The following ADGRB3 variants were observed in gnomAD, a reference collection of about 807,000 sequenced individuals.
ADGRB3 encodes the protein brain-specific angiogenesis inhibitor 3.
Under a neutral mutation model 193.4 loss-of-function variants are expected in ADGRB3, and 37 were observed. The ratio of observed to expected loss-of-function variants is 0.19; its 90% CI spans 0.15 to 0.25. The LOEUF is 0.25. ADGRB3 is among the 10% of genes least tolerant of loss of function. The pLI is 1.00. For synonymous variants in ADGRB3, 690 were observed against 644.2 expected (o/e 1.07, Z -1.08); for missense variants, 1,637 against 1,852.9 (o/e 0.88, Z 2.14).
chr6:68,729,048 A>T (rs1025922131), intron 3 of ADGRB3, among the ~76,000 whole-genome samples: 1 of 151,646 alleles, frequency 6.6e-6, no homozygotes, highest in Non-Finnish European at 1.5e-5. Context: ...AGGACATAAG[A>T]TAGAATAATA....
At chr6:69,172,989 C>T (rs547728691) in intron 17 of ADGRB3, among the ~76,000 whole-genome samples, 3 of 152,052 alleles carry the variant, frequency 2.0e-5, no homozygotes, top group Non-Finnish European at 4.4e-5. Flanking sequence ...CAGTCAGGGC[C>T]CTTTAGGCCA....
chr6:69,249,763 TA>T (rs56670699), intron 20 of ADGRB3, among the ~76,000 whole-genome samples: 24 of 151,552 alleles, frequency 1.6e-4, no homozygotes, highest in Admixed American at 1.2e-3. Context: ...ATGCCTATAA[TA>T]AAAAAAAATA....
chr6:69,186,265 A>T (rs981940914), intron 17 of ADGRB3, among the ~76,000 whole-genome samples: 76 of 151,964 alleles, frequency 5.0e-4, no homozygotes, highest in African/African-American at 1.8e-3. Flanking sequence ...GTCCTTGGCC[A>T]CAAATAAGCT....
rs183040194 is a variant in ADGRB3, at chr6:69,371,741, G to A, written c.4240-665G>A. 3.6e-4 allele frequency among the ~76,000 whole-genome samples: 54 copies of A among 152,076 alleles called. 2 individuals carry two copies. In the East Asian group the frequency reaches 9.5e-3, roughly 27 times the overall value. ...AGATTTCAGAAACTGTTTAACAAAGGTGGAGCCACAGAGAAACACTGTGAG... is the reference window on the plus strand; with the variant it reads ...AGATTTCAGAAACTGTTTAACAAAGATGGAGCCACAGAGAAACACTGTGAG... On this transcript the variant is annotated intron_variant, in intron 29 of 31. Transcript: ENST00000370598.
At chr6:68,701,755 A>G (rs755869927) in intron 3 of ADGRB3, among the ~76,000 whole-genome samples, 1 of 152,074 alleles carries the variant, frequency 6.6e-6, no homozygotes, top group Non-Finnish European at 1.5e-5. Flanking sequence ...AAAACATTTA[A>G]ATTGGCTCTT....
rs894110065 is a variant in ADGRB3, at chr6:68,639,271, C to T, written c.596C>T (p.Pro199Leu). ...CGIMYTKCTCPQHLGEWGIDD... is the reference protein window; with the variant it reads ...CGIMYTKCTCLQHLGEWGIDD... ...ATCATGTATACAAAATGCACCTGCC[C>T]TCAGCATTTGGGAGAGTGGGGGATC... The change falls in exon 3 of 32, where the codon CCT (proline) becomes CTT (leucine). Residue 199 changes from proline to leucine, a missense_variant. Physicochemically the swap from Pro to Leu is moderately conservative, Grantham distance 98. Coordinates refer to ENST00000370598, the MANE Select transcript of ADGRB3 (RefSeq NM_001704.3). 1 of 1,614,050 alleles carries T rather than the reference C, an allele frequency of 6.2e-7. No homozygotes were observed. Among genetic ancestry groups the T allele is most frequent in the Non-Finnish European group, 8.5e-7 (1 of 1,180,020 alleles).
At chr6:68,894,711 A>C (rs1221192147) in intron 3 of ADGRB3, among the ~76,000 whole-genome samples, 2 of 151,998 alleles carry the variant, frequency 1.3e-5, no homozygotes, top group African/African-American at 4.8e-5. Context: ...TCAAAACACT[A>C]ACTCTTTCTG....
At chr6:68,931,048 A>T (rs1199540199) in intron 4 of ADGRB3, among the ~76,000 whole-genome samples, 1 of 152,060 alleles carries the variant, frequency 6.6e-6, no homozygotes, top group East Asian at 1.9e-4. Context: ...TTATTTTAAC[A>T]ATATTGAATA....
chr6:68,853,753 A>T (rs1417030719), intron 3 of ADGRB3, among the ~76,000 whole-genome samples: 1 of 152,172 alleles, frequency 6.6e-6, no homozygotes, highest in Non-Finnish European at 1.5e-5. Flanking sequence ...GCAAAAAAAA[A>T]GTAAAACCTA....
chr6:68,988,147 A>G (rs972584002), intron 10 of ADGRB3, among the ~76,000 whole-genome samples: 1 of 152,152 alleles, frequency 6.6e-6, no homozygotes, highest in African/African-American at 2.4e-5. Flanking sequence ...TAGAGATTAT[A>G]GTGGAAACAA....
At chr6:68,791,920 G>C (rs1282061346) in intron 3 of ADGRB3, among the ~76,000 whole-genome samples, 1 of 152,098 alleles carries the variant, frequency 6.6e-6, no homozygotes, top group Non-Finnish European at 1.5e-5. Flanking sequence ...AAGTTCTAGG[G>C]ATGAAATCAG....
chr6:68,988,379 A>G (rs961315536), intron 10 of ADGRB3, among the ~76,000 whole-genome samples: 3 of 152,148 alleles, frequency 2.0e-5, no homozygotes, highest in Admixed American at 2.0e-4. Context: ...TTAAAGTGAC[A>G]GAATAGCATG....
At chr6:69,369,376 A>G (rs2127338636) in intron 29 of ADGRB3, among the ~76,000 whole-genome samples, 1 of 152,226 alleles carries the variant, frequency 6.6e-6, no homozygotes, top group East Asian at 1.9e-4. Flanking sequence ...TCTTTACACC[A>G]TCAATTTCCC....
At chr6:68,669,026 C>A (rs1180914677) in intron 3 of ADGRB3, among the ~76,000 whole-genome samples, 1 of 151,744 alleles carries the variant, frequency 6.6e-6, no homozygotes, top group Non-Finnish European at 1.5e-5. Context: ...GGAGCTAGCA[C>A]TGAGAAAATA....
rs781528590 is a variant in ADGRB3 at position 69,004,587 on chromosome 6, T to C, written c.1930-9451T>C. 1.1e-4 allele frequency among the ~76,000 whole-genome samples: 14 copies of C among 121,906 alleles called. No individual in the cohort carries two copies. The South Asian group carries it at 1.2e-3, about 11-fold the overall frequency. 80.0% of individuals were successfully genotyped at this position (121,906 alleles called of 152,430 possible). A position where few individuals can be genotyped will look rare whatever the true frequency, so the allele number is the denominator to read the frequency against. ...CCTCCCCCGACCCCATGACAGGCCC[T>C]GGTGTGTGATGTTCCCCACCCTGTG... On this transcript the variant is annotated intron_variant, in intron 11 of 31. Coordinates refer to ENST00000370598, the MANE Select transcript of ADGRB3 (RefSeq NM_001704.3).
chr6:68,764,877 G>A (rs1343679691), intron 3 of ADGRB3, among the ~76,000 whole-genome samples: 1 of 152,138 alleles, frequency 6.6e-6, no homozygotes, highest in Admixed American at 6.5e-5. Flanking sequence ...TGATAGAAAT[G>A]TGTAACTTCA....
chr6:69,232,774 A>C, intron 17 of ADGRB3: 1 of 691,476 alleles, frequency 1.4e-6, no homozygotes, highest in Non-Finnish European at 2.4e-6. Flanking sequence ...AACCAGCAGC[A>C]GAGAAGATCC....
chr6:68,848,186 CT>C (rs1223502871), intron 3 of ADGRB3, among the ~76,000 whole-genome samples: 6 of 151,954 alleles, frequency 3.9e-5, no homozygotes, highest in African/African-American at 1.4e-4. Context: ...TAAAAAGTCA[CT>C]TTTAAAAAAA....
intron 3 of ADGRB3, among the ~76,000 whole-genome samples, chr6:68,808,805 G>T (rs1016893956): frequency 6.6e-6 from 1 of 152,014 alleles, no homozygotes; most frequent in Non-Finnish European, 1.5e-5. Context: ...GTGAATGAAG[G>T]CCTTTGCATA....
Sources: allele counts gnomAD v4.1 joint callset (sites outside exome capture counted in the v4.1 genomes callset), GRCh38; gene constraint gnomAD v4.1.1; transcripts MANE v1.5; gene names NCBI Gene and HGNC (gene_info 2026-07-23, HGNC 2026-07-21).